The following CAPN10 variants were observed in gnomAD, a reference collection of about 807,000 sequenced individuals.
The protein encoded by CAPN10 is calpain 10, also known as calpain-10.
Under a neutral mutation model 78.4 loss-of-function variants are expected in CAPN10, and 71 were observed. The observed-to-expected ratio is 0.91, with a 90% CI of 0.75 to 1.10. The LOEUF (loss-of-function observed/expected upper bound fraction) is 1.10. Ranked by LOEUF, CAPN10 falls within the 50% of genes least tolerant of loss-of-function variation. The pLI, the probability that CAPN10 is intolerant of heterozygous loss-of-function variation, is 0.00. For missense variants in CAPN10, 849 were observed against 924.6 expected (o/e 0.92, Z 1.06); for synonymous variants, 437 against 407.2 (o/e 1.07, Z -0.88).
Position 240,596,505 on chromosome 2 carries a change from G to T in CAPN10, c.1465G>T (p.Gly489Trp). ...GTTCCTGCTCCGAGTCTTCTCTACC[G>T]GGCGAGTCTCCCTTAGGTGAGAGGA... ...GEFLLRVFST[G>W]RVSLSAIRAV... is the part of the protein sequence containing the mutation. The change falls in exon 8 of 12, where the codon GGG becomes TGG. Residue 489 changes from glycine to tryptophan, a missense_variant. By Grantham distance (184) the Gly-to-Trp change is radical. Coordinates refer to ENST00000391984, the MANE Select transcript of CAPN10 (RefSeq NM_023083.4). The T allele has an allele frequency of 6.2e-7, 1 of 1,608,742 alleles. No homozygotes were observed. Among genetic ancestry groups the T allele is most frequent in the Non-Finnish European group, 8.5e-7 (1 of 1,176,404 alleles).
Position 240,598,841 on chromosome 2 carries a change from C to T in CAPN10, c.*161C>T. 1 of 679,580 alleles carries T rather than the reference C, an allele frequency of 1.5e-6. No individual in the cohort carries two copies. The allele number at this position is 679,580 out of a possible 1,614,324, so 42.1% of individuals were successfully genotyped here. ...TGCGGCCTAGGGGTCCACGGGAAGC[C>T]TCCGTCAGGAGAGACGCAGCCCTGG... On this transcript the variant is annotated 3_prime_UTR_variant, in exon 12 of 12. Coordinates refer to ENST00000391984, the MANE Select transcript of CAPN10 (RefSeq NM_023083.4).
chr2:240,594,719 C>A lies in CAPN10; in HGVS notation c.997+10C>A. The A allele has an allele frequency of 6.2e-7, 1 of 1,609,306 alleles. No homozygotes were observed. The highest frequency in any genetic ancestry group is 1.7e-4 in the Middle Eastern group (1 of 5,982). On this transcript the variant is annotated intron_variant, in intron 6 of 11. Coordinates refer to ENST00000391984, the MANE Select transcript of CAPN10 (RefSeq NM_023083.4). ...CAGAGCCTCTACACAGGTAGTGCCC[C>A]GAGGGGCTGTGCTGGGCACGTGCTC...
At position 240,590,817 on chromosome 2, in the gene CAPN10, C is replaced by T; in HGVS notation, c.276C>T (p.Val92=). Reference sequence around the variant, plus strand: ...TTGCTTCTCCCTGTGCATGGCAGGTCATTCCTCCGGGACAGCCGAGCTGGG... The same window carrying T: ...TTGCTTCTCCCTGTGCATGGCAGGTTATTCCTCCGGGACAGCCGAGCTGGG... ...LQKSRHLLDQ[V]IPPGQPSWAD... is the part of the protein sequence containing the mutation. Residue 92 remains valine (V), a splice_region_variant and synonymous_variant, in exon 3 of 12, where the codon GTC becomes GTT. Coordinates refer to ENST00000391984, the MANE Select transcript of CAPN10 (RefSeq NM_023083.4). 1.9e-6 allele frequency: 3 copies of T among 1,613,940 alleles called. No individual in the cohort carries two copies. Among genetic ancestry groups the T allele is most frequent in the South Asian group, 2.2e-5 (2 of 91,052 alleles).
In CAPN10 at chr2:240,598,392, C is replaced by T; in HGVS notation, c.1984C>T (p.Gln662Ter). 1 of 1,613,734 alleles carries T rather than the reference C, an allele frequency of 6.2e-7. No homozygotes were observed. The highest frequency in any genetic ancestry group is 8.5e-7 in the Non-Finnish European group (1 of 1,179,972). Residue 662 changes from glutamine (Q) to a stop codon, truncating the protein, a stop_gained, in exon 11 of 12, where the codon CAA becomes TAA. Coordinates refer to ENST00000391984, the MANE Select transcript of CAPN10 (RefSeq NM_023083.4). LOFTEE classifies it high-confidence loss of function. ...HSQEMLGQFL[Q>*]EVSIMAVMKT The stretch of plus-strand genomic sequence containing the variant: ...CCAGGAGATGCTGGGCCAGTTCCTC[C>T]AAGAGGTGTGTATGCAGCCCCGCCA...
rs1354913700 is a variant in CAPN10, at chr2:240,597,667, T to A, written c.1744-221T>A. Reference sequence around the variant, plus strand: ...TCACAGGTGTTAAAGCCCCTGATGATGTGACAGGCCTCCAGGCGGGGGCCC... The same window carrying A: ...TCACAGGTGTTAAAGCCCCTGATGAAGTGACAGGCCTCCAGGCGGGGGCCC... On this transcript the variant is annotated intron_variant, in intron 9 of 11. Coordinates refer to ENST00000391984, the MANE Select transcript of CAPN10 (RefSeq NM_023083.4). Among the ~76,000 whole-genome samples the A allele has an allele frequency of 3.3e-5, 5 of 152,224 alleles. No individual in the cohort carries two copies. In the East Asian group the frequency reaches 7.7e-4, roughly 24 times the overall value.
At chr2:240,594,235 G>A in intron 5 of CAPN10, 188 bp downstream of exon 5, 1 of 655,854 alleles carries the variant, frequency 1.5e-6, no homozygotes, top group Non-Finnish European at 2.5e-6. Context: ...TGGGACCAAG[G>A]TGGCCATTGG....
Position 240,598,631 on chromosome 2 carries a change from C to A in CAPN10, c.1990-20C>A. 1.3e-6 allele frequency: 2 copies of A among 1,571,660 alleles called. No homozygotes were observed. The highest frequency in any genetic ancestry group is 1.7e-6 in the Non-Finnish European group (2 of 1,158,542). ...GGGGCGAGTGCCACCGCTGCCCGGG[C>A]CCCCCATCTGTCTTTGCAGGTCTCC... On this transcript the variant is annotated intron_variant, in intron 11 of 11. Transcript: ENST00000391984.
intron 7 of CAPN10, chr2:240,595,982 C>T: frequency 7.2e-7 from 1 of 1,394,424 alleles, no homozygotes; most frequent in African/African-American, 1.4e-5. Flanking sequence ...ATGGATGTGG[C>T]CCACATGATG....
At chr2:240,596,272 T>TG in intron 7 of CAPN10, 47 bp from the exon 8 acceptor site, 1 of 1,553,186 alleles carries the variant, frequency 6.4e-7, no homozygotes, top group Non-Finnish European at 8.7e-7. Context: ...CCAGGGCGTC[T>TG]GACCCCGGCC....
chr2:240,588,204 A>G (rs572552630), intron 1 of CAPN10, among the ~76,000 whole-genome samples: 1 of 152,252 alleles, frequency 6.6e-6, no homozygotes, highest in East Asian at 1.9e-4. Flanking sequence ...TCACGTCTTC[A>G]GGTGGAGCTG....
At position 240,595,205 on chromosome 2, in the gene CAPN10, A is replaced by T. The variant is rs1177202751; in HGVS notation, c.1179A>T (p.Ala393=). Residue 393 remains alanine, a synonymous_variant, in exon 7 of 12, where the codon GCA becomes GCT. Coordinates refer to ENST00000391984, the MANE Select transcript of CAPN10 (RefSeq NM_023083.4). ...CCAGGCTGCACGCGGCGGACTGGGC[A>T]GGCCGGGCCCGGGCACTGGTGGGTG... is the stretch of plus-strand genomic sequence containing the variant. The part of the protein sequence containing the change: ...QRSRLHAADW[A]GRARALVGDS... The T allele has an allele frequency of 1.2e-6, 2 of 1,613,720 alleles. No homozygotes were observed. Among genetic ancestry groups the T allele is most frequent in the Non-Finnish European group, 1.7e-6 (2 of 1,180,014 alleles).
intron 7 of CAPN10, among the ~76,000 whole-genome samples, chr2:240,595,552 C>T (rs2093131543): frequency 6.6e-6 from 1 of 152,248 alleles, no homozygotes; most frequent in Non-Finnish European, 1.5e-5. Context: ...GCAACAGAGT[C>T]TGCAGCCAGG....
In CAPN10 at chr2:240,596,727, C is replaced by T. The variant is rs2093139264; in HGVS notation, c.1528C>T (p.Pro510Ser). Residue 510 changes from proline (P) to serine (S), a missense_variant, in exon 9 of 12, where the codon CCT (proline) becomes TCT (serine). Coordinates refer to ENST00000391984, the MANE Select transcript of CAPN10 (RefSeq NM_023083.4). ...AKNTTPGAAL[P>S]AGEWGTVQLR... ...GAACACCACCCCCGGGGCAGCCCTGCCTGCGGGGGAGTGGGGGACCGTGCA... is the reference window on the plus strand; with the variant it reads ...GAACACCACCCCCGGGGCAGCCCTGTCTGCGGGGGAGTGGGGGACCGTGCA... The T allele has an allele frequency of 6.3e-7, 1 of 1,586,578 alleles. No homozygotes were observed. Among genetic ancestry groups the T allele is most frequent in the South Asian group, 1.1e-5 (1 of 86,970 alleles).
chr2:240,588,391 C>G (rs1230432972), intron 1 of CAPN10, among the ~76,000 whole-genome samples: 8 of 152,032 alleles, frequency 5.3e-5, no homozygotes, highest in African/African-American at 1.7e-4. Flanking sequence ...CTTGAGGAAC[C>G]CTAACATTTC....
At chr2:240,588,901 G>A (rs1004913502) in intron 1 of CAPN10, among the ~76,000 whole-genome samples, 3 of 152,146 alleles carry the variant, frequency 2.0e-5, no homozygotes, top group Non-Finnish European at 4.4e-5. Flanking sequence ...GAAGCTCAGA[G>A]GGGTGGGCAA....
At chr2:240,596,660 C>G in intron 8 of CAPN10, 21 bp from the exon 9 acceptor site, 1 of 1,533,046 alleles carries the variant, frequency 6.5e-7, no homozygotes, top group Non-Finnish European at 8.8e-7. Context: ...CAGCGCCCTC[C>G]CATGTTTGTC....
intron 1 of CAPN10, 71 bp downstream of exon 1, chr2:240,587,123 G>A (rs2093073264): frequency 2.9e-6 from 3 of 1,033,066 alleles, no homozygotes; most frequent in South Asian, 4.8e-5. Context: ...AGGGAGCGGG[G>A]CGGGGTGGGC....
chr2:240,596,950 C>G lies in CAPN10; in HGVS notation c.1743+8C>G. On this transcript the variant is annotated splice_region_variant and intron_variant, in intron 9 of 11. Coordinates refer to ENST00000391984, the MANE Select transcript of CAPN10 (RefSeq NM_023083.4). ...GGCTTCCATATCTTCCAGGCAAGCT[C>G]CTTGCCCCAGGGAGGGAGGGGGAGC... 6.2e-7 allele frequency: 1 copy of G among 1,613,422 alleles called. No individual in the cohort carries two copies. Among genetic ancestry groups the G allele is most frequent in the African/African-American group, 1.3e-5 (1 of 75,070 alleles).
rs1353319882 is a variant in CAPN10 at position 240,591,769 on chromosome 2, G to T, written c.471-164G>T. 1.3e-5 allele frequency: 8 copies of T among 638,242 alleles called. No individual in the cohort carries two copies. The East Asian group carries it at 2.2e-4, about 18-fold the overall frequency. 39.5% of individuals were successfully genotyped at this position (638,242 alleles called of 1,614,324 possible). A position where few individuals can be genotyped will look rare whatever the true frequency, so the allele number is the denominator to read the frequency against. On this transcript the variant is annotated intron_variant, in intron 3 of 11. Transcript: ENST00000391984. Reference sequence around the variant, plus strand: ...TGTGAAGTAAGGCGTTTGAAGGTGAGGCTAAGCCTTGACTTGGTGAGGATG... The same window carrying T: ...TGTGAAGTAAGGCGTTTGAAGGTGATGCTAAGCCTTGACTTGGTGAGGATG...
Sources: gnomAD v4.1 joint callset for allele counts (sites outside exome capture counted in the v4.1 genomes callset) on GRCh38, gnomAD v4.1.1 for gene constraint, MANE v1.5 for transcripts, NCBI Gene and HGNC (gene_info 2026-07-23, HGNC 2026-07-21) for gene names.